Variants in PRKAR1B observed in about 807,000 individuals in gnomAD.
PRKAR1B encodes cAMP-dependent protein kinase type I-beta regulatory subunit.
PRKAR1B carries 22 observed loss-of-function variants against 46.5 expected under a neutral mutation model. The observed-to-expected ratio is 0.47, with a 90% CI of 0.34 to 0.68. The LOEUF (loss-of-function observed/expected upper bound fraction) is 0.68, where lower values mean the gene tolerates loss of function less well. Among genes scored for constraint, PRKAR1B ranks in the 30% least tolerant of loss-of-function variants. The probability of loss-of-function intolerance (pLI) is 0.01; values close to 1 mark genes in which losing one functional copy is unlikely to be tolerated. For synonymous variants in PRKAR1B, 259 were observed against 217.7 expected (o/e 1.19, Z -1.67); for missense variants, 445 against 535.6 (o/e 0.83, Z 1.67).
chr7:579,516 A>G lies in PRKAR1B; in HGVS notation c.770-139T>C, dbSNP rs1049071258. On this transcript the variant is annotated intron_variant, in intron 8 of 10. Coordinates refer to ENST00000537384, the MANE Select transcript of PRKAR1B (RefSeq NM_001164760.2). ...CAGCTCCGTGACCAGTAAGCTGCATAAGATGAGGCCGTGACGCTGTCCCCC... is the reference window on the plus strand; with the variant it reads ...CAGCTCCGTGACCAGTAAGCTGCATGAGATGAGGCCGTGACGCTGTCCCCC... 4 of 1,145,042 alleles carry G rather than the reference A, an allele frequency of 3.5e-6. No homozygotes were observed. In the African/African-American group the frequency reaches 4.6e-5, roughly 13 times the overall value. 70.9% of individuals were successfully genotyped at this position (1,145,042 alleles called of 1,614,324 possible).
intron 4 of PRKAR1B, among the ~76,000 whole-genome samples, chr7:676,680 C>T (rs1194608816): frequency 6.6e-6 from 1 of 152,244 alleles, no homozygotes; most frequent in African/African-American, 2.4e-5. Context: ...GTGGTGAGCC[C>T]ACGTTTCCTG....
intron 9 of PRKAR1B, among the ~76,000 whole-genome samples, chr7:571,142 G>A (rs893015845): frequency 6.6e-6 from 1 of 152,174 alleles, no homozygotes; most frequent in Admixed American, 6.5e-5. Flanking sequence ...AACTGAAAGG[G>A]CCACCACAAG....
In PRKAR1B at chr7:611,973, G is replaced by A. The variant is rs375538118; in HGVS notation, c.441-4521C>T. On this transcript the variant is annotated intron_variant, in intron 4 of 10. Coordinates refer to ENST00000537384, the MANE Select transcript of PRKAR1B (RefSeq NM_001164760.2). Reference sequence around the variant, plus strand: ...TGAACAGGTGGGTGAGTAGATCAACGGATGGATGGATGGATGGATGGACAG... The same window carrying A: ...TGAACAGGTGGGTGAGTAGATCAACAGATGGATGGATGGATGGATGGACAG... 4.7e-3 allele frequency among the ~76,000 whole-genome samples: 710 copies of A among 149,668 alleles called. 3 individuals carry two copies. Among genetic ancestry groups the A allele is most frequent in the South Asian group, 0.022 (101 of 4,624 alleles).
chr7:636,901 G>A (rs1276544920), intron 4 of PRKAR1B, among the ~76,000 whole-genome samples: 1 of 152,178 alleles, frequency 6.6e-6, no homozygotes, highest in South Asian at 2.1e-4. Flanking sequence ...AAACCACGGC[G>A]AGTGGGAAAG....
upstream of PRKAR1B, chr7:727,421 C>T (rs1245690646): frequency 7.8e-6 from 4 of 511,694 alleles, no homozygotes; most frequent in Admixed American, 5.2e-5. Flanking sequence ...CGCCCCCCTC[C>T]ACGCCCGCAC....
intron 4 of PRKAR1B, among the ~76,000 whole-genome samples, chr7:638,477 G>A (rs1487702070): frequency 6.6e-6 from 1 of 152,088 alleles, no homozygotes; most frequent in Non-Finnish European, 1.5e-5. Context: ...TCTCCCCGAG[G>A]GTCTCTCCTA....
intron 3 of PRKAR1B, among the ~76,000 whole-genome samples, chr7:677,846 G>A (rs1368641708): frequency 6.6e-6 from 1 of 152,194 alleles, no homozygotes; most frequent in Non-Finnish European, 1.5e-5. Flanking sequence ...CACAAGCCTA[G>A]CTGGTATAGC....
At chr7:660,273 C>T (rs1458227138) in intron 4 of PRKAR1B, among the ~76,000 whole-genome samples, 1 of 152,010 alleles carries the variant, frequency 6.6e-6, no homozygotes, top group Non-Finnish European at 1.5e-5. Context: ...TTCCCGTCTA[C>T]CATAGCTCAA....
intron 4 of PRKAR1B, among the ~76,000 whole-genome samples, chr7:636,953 T>G (rs1583336819): frequency 6.7e-6 from 1 of 149,944 alleles, no homozygotes; most frequent in Non-Finnish European, 1.5e-5. Context: ...AGGTGGGGGG[T>G]GGGGAGTGCC....
At chr7:650,391 T>G (rs1317908794) in intron 4 of PRKAR1B, among the ~76,000 whole-genome samples, 1 of 138,884 alleles carries the variant, frequency 7.2e-6, no homozygotes, top group Non-Finnish European at 1.6e-5. Flanking sequence ...CCCTCCCTGC[T>G]CACTCCACCT....
intron 2 of PRKAR1B, among the ~76,000 whole-genome samples, chr7:700,293 G>A (rs74906665): frequency 0.042 from 6,414 of 152,282 alleles, 422 homozygotes; most frequent in African/African-American, 0.13. Flanking sequence ...ACTCATGTTG[G>A]CATCGTCACC....
In PRKAR1B at chr7:550,266, C is replaced by T. The variant is rs1186588857; in HGVS notation, c.*164G>A. On this transcript the variant is annotated 3_prime_UTR_variant, in exon 11 of 11. Transcript: ENST00000537384. ...TTGATTTGGAAATGCACAAGGTGAT[C>T]ATTTATTCCAAAAAGTGAGTCCGGG... is the stretch of plus-strand genomic sequence containing the variant. 1.6e-6 allele frequency: 1 copy of T among 615,596 alleles called. No homozygotes were observed. Among genetic ancestry groups the T allele is most frequent in the Non-Finnish European group, 2.9e-6 (1 of 345,454 alleles). The allele number at this position is 615,596 out of a possible 1,614,324, so 38.1% of individuals were successfully genotyped here.
intron 2 of PRKAR1B, among the ~76,000 whole-genome samples, chr7:706,505 C>T (rs1353669608): frequency 1.4e-5 from 2 of 138,292 alleles, no homozygotes; most frequent in South Asian, 2.4e-4. Context: ...CTCACTGCAA[C>T]CTCTACCTCC....
intron 4 of PRKAR1B, among the ~76,000 whole-genome samples, chr7:671,110 G>A (rs1237770144): frequency 6.6e-6 from 1 of 152,164 alleles, no homozygotes; most frequent in Non-Finnish European, 1.5e-5. Context: ...TCTTCCTCAG[G>A]TTGAGGACTT....
At chr7:728,452 G>T (rs907618953), upstream of PRKAR1B, among the ~76,000 whole-genome samples, 4 of 152,224 alleles carry the variant, frequency 2.6e-5, no homozygotes, top group Non-Finnish European at 5.9e-5. Context: ...GTGGAGAATA[G>T]ATTCCAGAAG....
chr7:619,528 A>G (rs1054086064), intron 4 of PRKAR1B, among the ~76,000 whole-genome samples: 2 of 152,204 alleles, frequency 1.3e-5, no homozygotes, highest in African/African-American at 4.8e-5. Flanking sequence ...CAGCTAAGGA[A>G]TGGTGGTGCT....
intron 2 of PRKAR1B, among the ~76,000 whole-genome samples, chr7:705,981 G>A (rs1780301932): frequency 6.6e-6 from 1 of 151,286 alleles, no homozygotes; most frequent in Admixed American, 6.6e-5. Context: ...AGCTGAGACT[G>A]TGCCACTGCT....
At chr7:687,385 G>C (rs553800108) in intron 2 of PRKAR1B, among the ~76,000 whole-genome samples, 2 of 152,180 alleles carry the variant, frequency 1.3e-5, no homozygotes, top group African/African-American at 4.8e-5. Context: ...AAAACTATAA[G>C]GCACGTGGAA....
intron 9 of PRKAR1B, among the ~76,000 whole-genome samples, chr7:561,572 G>A (rs1382388408): frequency 2.0e-5 from 3 of 152,170 alleles, no homozygotes; most frequent in Non-Finnish European, 4.4e-5. Flanking sequence ...TTTGTTTCGG[G>A]AGGCTGAGCC....
Sources: allele counts gnomAD v4.1 joint callset (sites outside exome capture counted in the v4.1 genomes callset), GRCh38; gene constraint gnomAD v4.1.1; transcripts MANE v1.5; gene names NCBI Gene and HGNC (gene_info 2026-07-23, HGNC 2026-07-21).